Variants in KIF16B observed in about 807,000 individuals in gnomAD.
The protein encoded by KIF16B is kinesin-like protein KIF16B.
Under a neutral mutation model 156.3 loss-of-function variants are expected in KIF16B, and 98 were observed. The ratio of observed to expected loss-of-function variants is 0.63; its 90% CI spans 0.53 to 0.74. KIF16B has a LOEUF of 0.74. KIF16B is among the 30% of genes least tolerant of loss of function. The pLI, the probability that KIF16B is intolerant of heterozygous loss-of-function variation, is 0.00. For synonymous variants in KIF16B, 564 were observed against 583.7 expected (o/e 0.97, Z 0.49); for missense variants, 1,421 against 1,606.5 (o/e 0.88, Z 1.97).
intron 12 of KIF16B, among the ~76,000 whole-genome samples, chr20:16,487,167 G>A (rs1600521174): frequency 6.6e-6 from 1 of 151,990 alleles, no homozygotes; most frequent in South Asian, 2.1e-4. Context: ...GCAGGAGAAT[G>A]GCATGAATCC....
intron 23 of KIF16B, among the ~76,000 whole-genome samples, chr20:16,345,778 G>GT (rs1261396992): frequency 2.6e-5 from 4 of 152,230 alleles, no homozygotes; most frequent in Admixed American, 2.6e-4. Context: ...GCTTAGTAAG[G>GT]TGGCAGCACT....
chr20:16,536,076 T>C (rs182039998), intron 1 of KIF16B, among the ~76,000 whole-genome samples: 3 of 152,136 alleles, frequency 2.0e-5, no homozygotes, highest in African/African-American at 4.8e-5. Context: ...AGCAAAGATA[T>C]TATCAACGTA....
At chr20:16,439,787 G>C (rs2066744069) in intron 12 of KIF16B, among the ~76,000 whole-genome samples, 1 of 152,146 alleles carries the variant, frequency 6.6e-6, no homozygotes, top group Admixed American at 6.5e-5. Flanking sequence ...GGGAGAGCTT[G>C]TGCAGGGAAA....
chr20:16,347,044 C>T (rs1235386021), intron 23 of KIF16B, among the ~76,000 whole-genome samples: 1 of 152,136 alleles, frequency 6.6e-6, no homozygotes, highest in East Asian at 1.9e-4. Context: ...ATAAATTACT[C>T]AATTCTTTCA....
At chr20:16,436,613 AG>A (rs1012548798) in intron 12 of KIF16B, among the ~76,000 whole-genome samples, 2 of 152,164 alleles carry the variant, frequency 1.3e-5, no homozygotes, top group African/African-American at 2.4e-5. Context: ...TCAGCTTCTC[AG>A]GTGCAGGTTT....
At chr20:16,327,657 T>C (rs891991608) in intron 24 of KIF16B, among the ~76,000 whole-genome samples, 2 of 152,130 alleles carry the variant, frequency 1.3e-5, no homozygotes, top group African/African-American at 2.4e-5. Flanking sequence ...TGGATGCTCA[T>C]TGCGCCTCCA....
chr20:16,404,152 T>C (rs986752622), intron 17 of KIF16B, among the ~76,000 whole-genome samples: 1 of 152,180 alleles, frequency 6.6e-6, no homozygotes, highest in Admixed American at 6.5e-5. Context: ...AGCCATTTGA[T>C]TTACCTCCAT....
chr20:16,565,678 C>A (rs1264035948), intron 1 of KIF16B, among the ~76,000 whole-genome samples: 1 of 152,220 alleles, frequency 6.6e-6, no homozygotes, highest in African/African-American at 2.4e-5. Flanking sequence ...TTCCAGTGAC[C>A]CATCTGCAAA....
chr20:16,389,520 G>A (rs1476996112), intron 17 of KIF16B, among the ~76,000 whole-genome samples: 1 of 152,126 alleles, frequency 6.6e-6, no homozygotes, highest in African/African-American at 2.4e-5. Flanking sequence ...CGACTACAGA[G>A]GGTTCTTCAA....
chr20:16,525,185 A>G (rs1193833424), intron 3 of KIF16B, among the ~76,000 whole-genome samples: 1 of 152,160 alleles, frequency 6.6e-6, no homozygotes, highest in Non-Finnish European at 1.5e-5. Context: ...TTAAAAAAGA[A>G]AGAAAGAAAG....
chr20:16,385,670 A>G (rs1278836571), intron 17 of KIF16B, among the ~76,000 whole-genome samples: 1 of 152,138 alleles, frequency 6.6e-6, no homozygotes, highest in Admixed American at 6.5e-5. Context: ...GCTGTGGTTC[A>G]CTGAGATGAG....
At chr20:16,429,810 C>T in intron 13 of KIF16B, 53 bp downstream of exon 13, 10 of 1,510,094 alleles carry the variant, frequency 6.6e-6, no homozygotes, top group Non-Finnish European at 9.0e-6. Flanking sequence ...TAGTTAGTGT[C>T]TAATGGAGAA....
chr20:16,553,689 A>G (rs1322246745), intron 1 of KIF16B, among the ~76,000 whole-genome samples: 2 of 152,192 alleles, frequency 1.3e-5, no homozygotes, highest in Non-Finnish European at 2.9e-5. Flanking sequence ...GACTTTGTCT[A>G]TTCATTATTT....
At chr20:16,305,739 C>T (rs1228055859) in intron 25 of KIF16B, among the ~76,000 whole-genome samples, 1 of 152,154 alleles carries the variant, frequency 6.6e-6, no homozygotes, top group African/African-American at 2.4e-5. Flanking sequence ...ATGAGATACA[C>T]GTTTTTTGCT....
chr20:16,431,406 C>T (rs906513360), intron 12 of KIF16B, among the ~76,000 whole-genome samples: 2 of 152,152 alleles, frequency 1.3e-5, no homozygotes, highest in Non-Finnish European at 2.9e-5. Flanking sequence ...GCCGCTCTCC[C>T]CTTTGCTCAC....
At chr20:16,447,068 T>G (rs2066952880) in intron 12 of KIF16B, among the ~76,000 whole-genome samples, 1 of 152,162 alleles carries the variant, frequency 6.6e-6, no homozygotes. Flanking sequence ...GTGAGCATTT[T>G]GTAAATTGTT....
chr20:16,477,522 C>G (rs2067854607), intron 12 of KIF16B, among the ~76,000 whole-genome samples: 1 of 152,164 alleles, frequency 6.6e-6, no homozygotes, highest in South Asian at 2.1e-4. Flanking sequence ...CTCTGCACTT[C>G]CTAAACCAGC....
intron 1 of KIF16B, among the ~76,000 whole-genome samples, chr20:16,572,045 T>G (rs1004613541): frequency 6.6e-6 from 1 of 152,218 alleles, no homozygotes; most frequent in Admixed American, 6.5e-5. Flanking sequence ...CGTTCTAAAG[T>G]TTATCTTCTA....
At chr20:16,293,510 T>C (rs2063341281) in intron 25 of KIF16B, among the ~76,000 whole-genome samples, 1 of 152,192 alleles carries the variant, frequency 6.6e-6, no homozygotes, top group Non-Finnish European at 1.5e-5. Context: ...AACTTACCTC[T>C]CATACATCCT....
Sources: allele counts gnomAD v4.1 joint callset (sites outside exome capture counted in the v4.1 genomes callset), GRCh38; gene constraint gnomAD v4.1.1; transcripts MANE v1.5; gene names NCBI Gene and HGNC (gene_info 2026-07-23, HGNC 2026-07-21).